ESYT2: variants seen among roughly 807,000 people sequenced by gnomAD.
ESYT2 encodes extended synaptotagmin 2, also known as extended synaptotagmin-2.
In ESYT2, 54 loss-of-function variants were observed where a neutral mutation model predicts 107.2. The ratio of observed to expected loss-of-function variants is 0.50; its 90% CI spans 0.40 to 0.63. The LOEUF is 0.63. ESYT2 is among the 30% of genes least tolerant of loss of function. ESYT2 has a pLI of 0.00. For missense variants in ESYT2, 1,020 were observed against 1,094.5 expected, an observed-to-expected ratio of 0.93 and a Z score of 0.96; for synonymous variants, 491 against 434.1, an observed-to-expected ratio of 1.13 and a Z score of -1.63.
intron 1 of ESYT2, among the ~76,000 whole-genome samples, chr7:158,813,758 C>T (rs2129474037): frequency 6.6e-6 from 1 of 152,168 alleles, no homozygotes; most frequent in South Asian, 2.1e-4. Context: ...ATGACTCTCA[C>T]AGATCAAAAA....
At position 158,799,046 on chromosome 7, in the gene ESYT2, T is replaced by C; in HGVS notation, c.357A>G (p.Ala119=). 1 of 1,613,776 alleles carries C rather than the reference T, an allele frequency of 6.2e-7. No homozygotes were observed. Among genetic ancestry groups the C allele is most frequent in the Non-Finnish European group, 8.5e-7 (1 of 1,179,692 alleles). ...AWVHFPDTER[A]EWLNKTVKHM... ...CTAATCTTACCTTATTTAGCCATTC[T>C]GCTCTTTCAGTGTCTGGAAAATGAA... The change falls in exon 2 of 23, where the codon GCA becomes GCG. Residue 119 remains alanine (A), a synonymous_variant. Transcript: ENST00000275418.
chr7:158,781,340 AGT>A (rs951694738), intron 6 of ESYT2, among the ~76,000 whole-genome samples: 12 of 151,780 alleles, frequency 7.9e-5, no homozygotes, highest in African/African-American at 9.7e-5. Flanking sequence ...TTGAGAACAA[AGT>A]GTGAGGTATG....
In ESYT2 at chr7:158,739,731, G is replaced by A. The variant is rs562300856; in HGVS notation, c.2169-610C>T. On this transcript the variant is annotated intron_variant, in intron 18 of 22. Coordinates refer to ENST00000275418, the MANE Select transcript of ESYT2 (RefSeq NM_001367773.1). Reference sequence around the variant, plus strand: ...CCCACTCCCATGTGAGTGGACCCAGGGGACCCCAGAGAAACTTAAACACTG... The same window carrying A: ...CCCACTCCCATGTGAGTGGACCCAGAGGACCCCAGAGAAACTTAAACACTG... Among the ~76,000 whole-genome samples, 6 of 152,212 alleles carry A rather than the reference G, an allele frequency of 3.9e-5. No homozygotes were observed. The South Asian group carries it at 1.2e-3, about 32-fold the overall frequency.
chr7:158,752,762 T>C lies in ESYT2; in HGVS notation c.1482+19A>G. ...ATATGTTTTCATTAACTCTGTGACC[T>C]GAAGGGAAAACAGTTTACCTTTAAA... On this transcript the variant is annotated intron_variant, in intron 14 of 22. Transcript: ENST00000275418. 1 of 1,297,124 alleles carries C rather than the reference T, an allele frequency of 7.7e-7. No homozygotes were observed. Among genetic ancestry groups the C allele is most frequent in the South Asian group, 1.2e-5 (1 of 80,410 alleles). 80.4% of individuals were successfully genotyped at this position (1,297,124 alleles called of 1,614,324 possible).
At chr7:158,781,520 G>C (rs983170571) in intron 6 of ESYT2, among the ~76,000 whole-genome samples, 2 of 151,788 alleles carry the variant, frequency 1.3e-5, no homozygotes, top group African/African-American at 4.8e-5. Context: ...AGAACAAAGT[G>C]TGAGAGGTGT....
intron 13 of ESYT2, among the ~76,000 whole-genome samples, chr7:158,753,684 C>A (rs1837659011): frequency 7.0e-6 from 1 of 142,724 alleles, no homozygotes; most frequent in African/African-American, 2.7e-5. Context: ...CCATGACTGG[C>A]AGGCTGGGCC....
intron 6 of ESYT2, among the ~76,000 whole-genome samples, chr7:158,775,287 C>G (rs1007176177): frequency 6.6e-6 from 1 of 152,148 alleles, no homozygotes; most frequent in Non-Finnish European, 1.5e-5. Context: ...TGCTGACTGA[C>G]CGGGGTGGTG....
chr7:158,756,914 TAA>T (rs201326042), intron 13 of ESYT2, among the ~76,000 whole-genome samples: 1,549 of 98,752 alleles, frequency 0.016, 31 homozygotes, highest in African/African-American at 0.059. Flanking sequence ...CATCTCAAAT[TAA>T]AAAAAAAAAA....
At chr7:158,807,684 A>C (rs1029559601) in intron 1 of ESYT2, among the ~76,000 whole-genome samples, 8 of 152,180 alleles carry the variant, frequency 5.3e-5, no homozygotes, top group African/African-American at 1.9e-4. Flanking sequence ...GACAGGAAAT[A>C]TCTGGGGCAC....
intron 3 of ESYT2, among the ~76,000 whole-genome samples, 159 bp downstream of exon 3, chr7:158,797,783 G>A (rs758758953): frequency 2.0e-5 from 3 of 152,028 alleles, no homozygotes; most frequent in Non-Finnish European, 2.9e-5. Flanking sequence ...GAACCTGGGA[G>A]GCAGAGTTTG....
At chr7:158,798,294 T>C (rs796400061) in intron 2 of ESYT2, among the ~76,000 whole-genome samples, 28 of 152,336 alleles carry the variant, frequency 1.8e-4, no homozygotes, top group African/African-American at 6.0e-4. Context: ...CTAGTTATTC[T>C]GGTTAAATAT....
intron 1 of ESYT2, among the ~76,000 whole-genome samples, chr7:158,826,289 T>C (rs1840442066): frequency 6.6e-6 from 1 of 152,192 alleles, no homozygotes; most frequent in Admixed American, 6.5e-5. Flanking sequence ...ACTGTCAACA[T>C]AATCACTGTC....
At chr7:158,782,255 A>G (rs1217281236) in intron 6 of ESYT2, among the ~76,000 whole-genome samples, 1 of 150,052 alleles carries the variant, frequency 6.7e-6, no homozygotes, top group African/African-American at 2.5e-5. Context: ...GAATGAGTGA[A>G]CAAGTATGAG....
In ESYT2 at chr7:158,737,304, A is replaced by G. The variant is rs570853720; in HGVS notation, c.2268-125T>C. ...TCTACAAACCGAGAAGCAACAAGGA[A>G]CAGAATGCGTGAGGCGCTTTTGCCT... On this transcript the variant is annotated intron_variant, in intron 19 of 22. Transcript: ENST00000275418. 8.5e-6 allele frequency: 11 copies of G among 1,289,926 alleles called. No homozygotes were observed. In the East Asian group the frequency reaches 2.9e-4, roughly 34 times the overall value. 79.9% of individuals were successfully genotyped at this position (1,289,926 alleles called of 1,614,324 possible). A position where few individuals can be genotyped will look rare whatever the true frequency, so the allele number is the denominator to read the frequency against.
At position 158,741,781 on chromosome 7, in the gene ESYT2, C is replaced by T. The variant is rs2129471343; in HGVS notation, c.1910G>A (p.Gly637Glu). 1 of 1,613,950 alleles carries T rather than the reference C, an allele frequency of 6.2e-7. No homozygotes were observed. Among genetic ancestry groups the T allele is most frequent in the Non-Finnish European group, 8.5e-7 (1 of 1,179,994 alleles). ...RKTSIKSHMSGSPGPGGSNTA... is the reference protein window; with the variant it reads ...RKTSIKSHMSESPGPGGSNTA... ...GTTGCTGCCACCAGGGCCTGGAGACCCAGACATATGAGATTTGATGGATGT... is the reference window on the plus strand; with the variant it reads ...GTTGCTGCCACCAGGGCCTGGAGACTCAGACATATGAGATTTGATGGATGT... The change falls in exon 18 of 23, where the codon GGG (glycine) becomes GAG (glutamate). Residue 637 changes from glycine to glutamate, a missense_variant. Transcript: ENST00000275418.
Position 158,773,355 on chromosome 7 carries a change from A to G in ESYT2, c.789T>C (p.Asp263=), listed in dbSNP as rs1348709142. The change falls in exon 7 of 23, where the codon GAT becomes GAC. Residue 263 remains aspartate, a synonymous_variant. Coordinates refer to ENST00000275418, the MANE Select transcript of ESYT2 (RefSeq NM_001367773.1). ...ACGAGACTTACTTCAATCCAGGGAC[A>G]TCCAGAAGATTCGTCAGTCCTGTCC... ...INWTGLTNLL[D]VPGLNGLSDT... The G allele has an allele frequency of 6.2e-7, 1 of 1,614,188 alleles. No individual in the cohort carries two copies. The highest frequency in any genetic ancestry group is 1.3e-5 in the African/African-American group (1 of 75,056).
intron 7 of ESYT2, among the ~76,000 whole-genome samples, chr7:158,772,248 T>C (rs1409670223): frequency 6.6e-6 from 1 of 152,220 alleles, no homozygotes; most frequent in Non-Finnish European, 1.5e-5. Context: ...TTTCCGCAGA[T>C]CTTTTAAAGA....
chr7:158,782,537 A>G (rs1304687081), intron 6 of ESYT2, among the ~76,000 whole-genome samples: 1 of 143,172 alleles, frequency 7.0e-6, no homozygotes, highest in Non-Finnish European at 1.6e-5. Flanking sequence ...GAGTGTAAGA[A>G]AATGAGTGTG....
rs1836772692 is a variant in ESYT2 at position 158,732,122 on chromosome 7, A to C, written c.*2085T>G. The C allele has an allele frequency of 6.6e-6, 1 of 152,250 alleles. No individual in the cohort carries two copies. The highest frequency in any genetic ancestry group is 1.5e-5 in the Non-Finnish European group (1 of 68,052). The allele number at this position is 152,250 out of a possible 1,614,324, so 9.4% of individuals were successfully genotyped here. ...TTAAATAAAGCATTCCATTAAGCAA[A>C]ATACACATGGAGCGGATTACACACT... On this transcript the variant is annotated 3_prime_UTR_variant, in exon 23 of 23. Transcript: ENST00000275418.
Sources: allele counts gnomAD v4.1 joint callset (sites outside exome capture counted in the v4.1 genomes callset), GRCh38; gene constraint gnomAD v4.1.1; transcripts MANE v1.5; gene names NCBI Gene and HGNC (gene_info 2026-07-23, HGNC 2026-07-21).